GPHN: variants seen among roughly 807,000 people sequenced by gnomAD.
The protein encoded by GPHN is gephyrin.
In GPHN, 17 loss-of-function variants were observed where a neutral mutation model predicts 95.5. The ratio of observed to expected loss-of-function variants is 0.18; its 90% confidence interval spans 0.12 to 0.27. GPHN has a LOEUF of 0.27. Ranked by LOEUF, GPHN falls within the 10% of genes least tolerant of loss-of-function variation. The pLI, the probability that GPHN is intolerant of heterozygous loss-of-function variation, is 1.00. For missense variants in GPHN, 660 were observed against 978.1 expected (o/e 0.67, Z 4.34); for synonymous variants, 320 against 322.5 (o/e 0.99, Z 0.08).
chr14:67,261,094 G>A, the GPHN span, among the ~76,000 whole-genome samples: 2 of 152,164 alleles, frequency 1.3e-5, no homozygotes, highest in South Asian at 4.1e-4. Context: ...GATTAAATGA[G>A]ATAATGTATG....
intron 2 of GPHN, among the ~76,000 whole-genome samples, chr14:66,743,592 A>T (rs2072991000): frequency 6.6e-6 from 1 of 152,128 alleles, no homozygotes; most frequent in Non-Finnish European, 1.5e-5. Flanking sequence ...TACAAAAAAA[A>T]TTAGCCAGGC....
the GPHN span, chr14:67,577,345 C>T: frequency 3.2e-5 from 51 of 1,585,158 alleles, no homozygotes; most frequent in Non-Finnish European, 3.8e-5. Flanking sequence ...ACAGCAAAGA[C>T]GGCCTATACG....
At chr14:67,030,222 G>A (rs117102852) in intron 10 of GPHN, among the ~76,000 whole-genome samples, 88 of 151,822 alleles carry the variant, frequency 5.8e-4, no homozygotes, top group Non-Finnish European at 1.1e-3. Context: ...CATACTCAAC[G>A]TGACTAAAAC....
intron 4 of GPHN, among the ~76,000 whole-genome samples, chr14:66,825,320 A>G (rs931689355): frequency 6.6e-6 from 1 of 152,038 alleles, no homozygotes; most frequent in Admixed American, 6.5e-5. Flanking sequence ...ATCAGTTTCA[A>G]CTTAATATTT....
intron 2 of GPHN, among the ~76,000 whole-genome samples, chr14:66,713,981 C>A (rs763818806): frequency 2.1e-4 from 32 of 152,252 alleles, no homozygotes; most frequent in Middle Eastern, 3.4e-3. Flanking sequence ...GTTGGCCAGG[C>A]TGGTTTCACA....
chr14:67,217,813 T>C, the GPHN span, among the ~76,000 whole-genome samples: 1 of 152,210 alleles, frequency 6.6e-6, no homozygotes, highest in Non-Finnish European at 1.5e-5. Flanking sequence ...TTATTATTGA[T>C]GTTTGTTACT....
chr14:66,765,012 A>T (rs187393034), intron 2 of GPHN, among the ~76,000 whole-genome samples: 1 of 152,342 alleles, frequency 6.6e-6, no homozygotes, highest in Non-Finnish European at 1.5e-5. Context: ...TATCCAGATA[A>T]TAAAAAAATG....
At chr14:67,211,982 T>C in the GPHN span, among the ~76,000 whole-genome samples, 2 of 152,236 alleles carry the variant, frequency 1.3e-5, no homozygotes, top group Non-Finnish European at 1.5e-5. Flanking sequence ...GGATAGACTT[T>C]AAGCATTCTT....
chr14:67,392,242 GCCCTT>G, the GPHN span: 1 of 934,784 alleles, frequency 1.1e-6, no homozygotes, highest in Non-Finnish European at 1.8e-6. Context: ...AGCAGCCTCA[GCCCTT>G]CCCTTCTTCT....
the GPHN span, chr14:67,317,624 T>C: frequency 1.9e-6 from 1 of 525,008 alleles, no homozygotes; most frequent in Middle Eastern, 5.3e-4. Flanking sequence ...AGTAAGGCAG[T>C]GTTTTGAATT....
At chr14:66,530,953 A>ATTTTTTTTTTTTTTTTTTTTTTTT (rs569763873) in intron 1 of GPHN, among the ~76,000 whole-genome samples, 1 of 121,186 alleles carries the variant, frequency 8.3e-6, no homozygotes, top group Non-Finnish European at 1.7e-5. Flanking sequence ...TGTTTGTTAG[A>ATTTTTTTTTTTTTTTTTTTTTTTT]TTTTTTTTTT....
chr14:67,323,728 T>C, the GPHN span: 8 of 1,594,340 alleles, frequency 5.0e-6, no homozygotes, highest in Middle Eastern at 3.3e-4. Flanking sequence ...GGAATTCAGA[T>C]TTGAAACCAT....
chr14:67,064,546 G>A (rs2075966384), intron 11 of GPHN, among the ~76,000 whole-genome samples: 1 of 152,132 alleles, frequency 6.6e-6, no homozygotes, highest in African/African-American at 2.4e-5. Flanking sequence ...GAATTTGGCT[G>A]TGAATCCATC....
At chr14:66,748,412 G>T (rs111958614) in intron 2 of GPHN, among the ~76,000 whole-genome samples, 1,654 of 151,968 alleles carry the variant, frequency 0.011, 26 homozygotes, top group African/African-American at 0.037. Flanking sequence ...TGAGCAGACA[G>T]CTCAGAGATT....
the GPHN span, chr14:67,393,298 G>C: frequency 8.3e-7 from 1 of 1,200,904 alleles, no homozygotes; most frequent in Non-Finnish European, 1.2e-6. Context: ...CAGGTATAAG[G>C]GAGGGTCCTG....
At chr14:67,131,297 G>A (rs1251392471) in intron 17 of GPHN, among the ~76,000 whole-genome samples, 2 of 151,854 alleles carry the variant, frequency 1.3e-5, no homozygotes, top group Non-Finnish European at 2.9e-5. Flanking sequence ...GGATTTGTGA[G>A]TATTGGGCCA....
chr14:67,287,583 C>T, the GPHN span, among the ~76,000 whole-genome samples: 1 of 152,154 alleles, frequency 6.6e-6, no homozygotes, highest in African/African-American at 2.4e-5. Flanking sequence ...TGAGAACAGA[C>T]ATTCATGTGC....
chr14:67,473,976 G>A, the GPHN span: 1 of 1,530,124 alleles, frequency 6.5e-7, no homozygotes. This position sits in a 1 kb window ranked among gnomAD's most constrained non-coding sequence, Gnocchi z 6.5. Flanking sequence ...GTGAGGGCCG[G>A]GCGCGGTGGC....
the GPHN span, among the ~76,000 whole-genome samples, chr14:67,540,773 G>T: frequency 1.3e-5 from 2 of 152,104 alleles, no homozygotes; most frequent in African/African-American, 2.4e-5. Context: ...CTATAAGGGG[G>T]ATTTGAAAAA....
Sources: allele counts gnomAD v4.1 joint callset (sites outside exome capture counted in the v4.1 genomes callset), GRCh38; gene constraint gnomAD v4.1.1; non-coding constraint Gnocchi (gnomAD v3.1); transcripts MANE v1.5; gene names NCBI Gene and HGNC (gene_info 2026-07-23, HGNC 2026-07-21).